Variants in GMDS observed in about 807,000 individuals in gnomAD.
The protein encoded by GMDS is GDP-mannose 4,6 dehydratase.
Under a neutral mutation model 49.9 loss-of-function variants are expected in GMDS, and 20 were observed. The ratio of observed to expected loss-of-function variants is 0.40; its 90% CI spans 0.28 to 0.58. The LOEUF (loss-of-function observed/expected upper bound fraction) is 0.58, where lower values mean the gene tolerates loss of function less well. Ranked by LOEUF, GMDS falls within the 20% of genes least tolerant of loss-of-function variation. The probability of loss-of-function intolerance (pLI) is 0.42; values close to 1 mark genes in which losing one functional copy is unlikely to be tolerated. For missense variants in GMDS, 362 were observed against 481.4 expected (o/e 0.75, Z 2.32); for synonymous variants, 177 against 178.6 (o/e 0.99, Z 0.07).
chr6:1,801,154 T>C (rs1386347439), intron 7 of GMDS, among the ~76,000 whole-genome samples: 2 of 152,220 alleles, frequency 1.3e-5, no homozygotes, highest in Non-Finnish European at 2.9e-5. Context: ...GTGCTTATTC[T>C]ATGAGACCTG....
At chr6:2,033,307 A>G (rs143448177) in intron 4 of GMDS, among the ~76,000 whole-genome samples, 10 of 152,324 alleles carry the variant, frequency 6.6e-5, no homozygotes, top group Admixed American at 4.6e-4. Flanking sequence ...TTTCCAAAGT[A>G]TCATGTTATA....
chr6:2,007,619 G>C (rs1043275076), intron 4 of GMDS, among the ~76,000 whole-genome samples: 1 of 150,944 alleles, frequency 6.6e-6, no homozygotes, highest in Non-Finnish European at 1.5e-5. Flanking sequence ...TTACGTTCAG[G>C]GGATACATGT....
intron 9 of GMDS, among the ~76,000 whole-genome samples, chr6:1,625,957 A>G (rs913666772): frequency 1.3e-5 from 2 of 152,258 alleles, no homozygotes; most frequent in African/African-American, 4.8e-5. Context: ...AAGGAGTTTC[A>G]TCGTGTGAAA....
intron 4 of GMDS, among the ~76,000 whole-genome samples, chr6:1,961,462 T>A (rs914691655): frequency 9.9e-5 from 15 of 152,202 alleles, no homozygotes; most frequent in Non-Finnish European, 2.9e-5. Context: ...AATAATAAAT[T>A]TGTAATCTAT....
chr6:1,634,066 C>T (rs141382663), intron 9 of GMDS, among the ~76,000 whole-genome samples: 1 of 152,326 alleles, frequency 6.6e-6, no homozygotes, highest in African/African-American at 2.4e-5. Context: ...CCCTGCATGG[C>T]CCAACTCTAA....
chr6:1,913,347 C>G (rs566394606), intron 7 of GMDS, among the ~76,000 whole-genome samples: 2 of 140,470 alleles, frequency 1.4e-5, no homozygotes, highest in Non-Finnish European at 3.0e-5. Context: ...TGCCACTGCA[C>G]TCCAGCCTGG....
intron 4 of GMDS, among the ~76,000 whole-genome samples, chr6:1,961,469 C>G (rs1056895357): frequency 2.0e-5 from 3 of 152,124 alleles, no homozygotes; most frequent in Non-Finnish European, 4.4e-5. Context: ...AATTTGTAAT[C>G]TATTACACGA....
In GMDS at chr6:2,137,333, CTTT is replaced by C. The variant is rs79714655; in HGVS notation, c.103-12605_103-12603del. Among the ~76,000 whole-genome samples the C allele has an allele frequency of 6.3e-3, 839 of 133,458 alleles. 2 individuals carry two copies. Among genetic ancestry groups the C allele is most frequent in the Middle Eastern group, 0.016 (4 of 248 alleles). 87.6% of individuals were successfully genotyped at this position (133,458 alleles called of 152,430 possible). ...AACATAAACCATACTGCTATATTCC[CTTT>C]TTTTTTTTTTTTTTTGGATGGAGTT... On this transcript the variant is annotated intron_variant, in intron 1 of 10. Coordinates refer to ENST00000380815, the MANE Select transcript of GMDS (RefSeq NM_001500.4).
intron 1 of GMDS, among the ~76,000 whole-genome samples, chr6:2,203,293 G>C (rs1159360216): frequency 1.3e-5 from 2 of 151,780 alleles, no homozygotes; most frequent in African/African-American, 4.8e-5. Context: ...TGGTAAAATT[G>C]GAAAAAAAAT....
intron 4 of GMDS, among the ~76,000 whole-genome samples, chr6:2,058,787 T>C (rs1407929402): frequency 2.6e-5 from 4 of 152,164 alleles, no homozygotes; most frequent in Non-Finnish European, 5.9e-5. Flanking sequence ...CCTTCCGACC[T>C]CCGATCCATT....
intron 4 of GMDS, among the ~76,000 whole-genome samples, chr6:2,095,095 CCGTACATATT>C (rs1355143188): frequency 6.6e-6 from 1 of 152,166 alleles, no homozygotes; most frequent in Admixed American, 6.5e-5. Context: ...GCACAGAATG[CCGTACATATT>C]CTCATATTCT....
chr6:2,067,882 AGAAAAAGAGGGAATCCTCCCT>A (rs1216697332), intron 4 of GMDS, among the ~76,000 whole-genome samples: 122 of 151,904 alleles, frequency 8.0e-4, no homozygotes, highest in African/African-American at 2.9e-3. Flanking sequence ...TTCAATCAAT[AGAAAAAGAGGGAATCCTCCCT>A]AACTCATTTT....
intron 7 of GMDS, among the ~76,000 whole-genome samples, chr6:1,921,580 C>T (rs529177762): frequency 1.1e-3 from 164 of 152,304 alleles, no homozygotes; most frequent in Non-Finnish European, 1.9e-3. Flanking sequence ...ATTTGTTATA[C>T]AGAGTTTTCC....
chr6:2,241,579 TC>T (rs1781615598), intron 1 of GMDS, among the ~76,000 whole-genome samples: 1 of 152,096 alleles, frequency 6.6e-6, no homozygotes, highest in South Asian at 2.1e-4. Flanking sequence ...CTTGGTGCCA[TC>T]CTCACAGTAA....
At chr6:2,234,263 T>C (rs1371915875) in intron 1 of GMDS, among the ~76,000 whole-genome samples, 1 of 152,210 alleles carries the variant, frequency 6.6e-6, no homozygotes, top group African/African-American at 2.4e-5. Context: ...AGAACAAGCA[T>C]TCCTTGTGTA....
intron 4 of GMDS, among the ~76,000 whole-genome samples, chr6:2,065,153 G>C (rs537736219): frequency 2.0e-5 from 3 of 152,262 alleles, no homozygotes; most frequent in African/African-American, 7.2e-5. Flanking sequence ...GCACCCCCCA[G>C]CAGGGGCAGA....
At chr6:1,772,643 AC>A (rs1768626837) in intron 7 of GMDS, among the ~76,000 whole-genome samples, 1 of 152,210 alleles carries the variant, frequency 6.6e-6, no homozygotes, top group Admixed American at 6.5e-5. Flanking sequence ...GGGGGAGTAT[AC>A]GTTCGTGGGG....
Position 1,624,160 on chromosome 6 carries a change from A to G in GMDS, c.*9T>C. On this transcript the variant is annotated 3_prime_UTR_variant, in exon 11 of 11. Coordinates refer to ENST00000380815, the MANE Select transcript of GMDS (RefSeq NM_001500.4). ...TAGCCGGAGGGCGGGCCGGGCTCCG[A>G]GGCGCTGCTCAGGCATTGGGGTTTG... 6.2e-7 allele frequency: 1 copy of G among 1,606,976 alleles called. No individual in the cohort carries two copies. Among genetic ancestry groups the G allele is most frequent in the Non-Finnish European group, 8.5e-7 (1 of 1,179,050 alleles).
At chr6:1,962,011 G>C (rs765352824) in intron 4 of GMDS, among the ~76,000 whole-genome samples, 8 of 152,208 alleles carry the variant, frequency 5.3e-5, no homozygotes, top group Non-Finnish European at 1.2e-4. Flanking sequence ...TTCATCCACA[G>C]TCTTTCAAAG....
Sources: allele counts gnomAD v4.1 joint callset (sites outside exome capture counted in the v4.1 genomes callset), GRCh38; gene constraint gnomAD v4.1.1; transcripts MANE v1.5; gene names NCBI Gene and HGNC (gene_info 2026-07-23, HGNC 2026-07-21).